The following CCNI variants were observed in gnomAD, a reference collection of about 807,000 sequenced individuals.
CCNI encodes cyclin I.
Under a neutral mutation model 34.1 loss-of-function variants are expected in CCNI, and 14 were observed. The ratio of observed to expected loss-of-function variants is 0.41; its 90% CI spans 0.27 to 0.64. The LOEUF (loss-of-function observed/expected upper bound fraction) is 0.64. CCNI is among the 30% of genes least tolerant of loss of function. The pLI is 0.31. For synonymous variants in CCNI, 154 were observed against 158.4 expected (o/e 0.97, Z 0.21); for missense variants, 385 against 440.5 (o/e 0.87, Z 1.13).
chr4:77,070,450 T>A (rs986599286), intron 1 of CCNI, among the ~76,000 whole-genome samples: 1 of 151,406 alleles, frequency 6.6e-6, no homozygotes, highest in Admixed American at 6.6e-5. Context: ...CCCCAACCCA[T>A]TGTGTGCGAG....
intron 1 of CCNI, among the ~76,000 whole-genome samples, chr4:77,066,784 TCCTTC>T (rs753510822): frequency 1.3e-5 from 2 of 152,202 alleles, no homozygotes; most frequent in Non-Finnish European, 2.9e-5. Context: ...CTAACATTTT[TCCTTC>T]ATTAAAAAGA....
At chr4:77,055,115 T>TA (rs1188694004) in intron 6 of CCNI, 35 bp downstream of exon 6, 1 of 1,432,180 alleles carries the variant, frequency 7.0e-7, no homozygotes, top group Admixed American at 1.7e-5. Flanking sequence ...TAGAAAAACT[T>TA]AAAAAGAACA....
intron 1 of CCNI, among the ~76,000 whole-genome samples, chr4:77,074,139 T>G (rs1215117551): frequency 6.6e-6 from 1 of 152,220 alleles, no homozygotes; most frequent in African/African-American, 2.4e-5. Context: ...CACACTCAGC[T>G]TCCAATCTTG....
intron 3 of CCNI, 66 bp from the exon 4 acceptor site, chr4:77,056,389 C>G (rs1728232284): frequency 8.0e-7 from 1 of 1,249,058 alleles, no homozygotes; most frequent in Admixed American, 1.7e-5. Context: ...CTTTTTGTAA[C>G]TGTTTTAAAA....
rs538284505 is a variant in CCNI at position 77,048,962 on chromosome 4, G to GTTTTTTT, written c.691-307_691-301dup. ...AACTACTTTTTTGTATCCAACGTCT[G>GTTTTTTT]TTTTTTTTTTTTTTTTTTTTTTTTT... On this transcript the variant is annotated intron_variant, in intron 6 of 6. Coordinates refer to ENST00000237654, the MANE Select transcript of CCNI (RefSeq NM_006835.3). 1.3e-4 allele frequency among the ~76,000 whole-genome samples: 6 copies of GTTTTTTT among 47,652 alleles called. 1 individual carries two copies. The highest frequency in any genetic ancestry group is 2.3e-4 in the Non-Finnish European group (5 of 21,430). The allele number at this position is 47,652 out of a possible 152,430, so 31.3% of individuals were successfully genotyped here. A position where few individuals can be genotyped will look rare whatever the true frequency, so the allele number is the denominator to read the frequency against.
In CCNI at chr4:77,056,411, C is replaced by T. The variant is rs1024843228; in HGVS notation, c.244-88G>A. The T allele has an allele frequency of 3.2e-5, 28 of 866,452 alleles. No homozygotes were observed. The East Asian group carries it at 6.9e-4, about 21-fold the overall frequency. The allele number at this position is 866,452 out of a possible 1,614,324, so 53.7% of individuals were successfully genotyped here. On this transcript the variant is annotated intron_variant, in intron 3 of 6. Transcript: ENST00000237654. ...TAACTGTTTTAAAAACCTAGATATG[C>T]AGATGAGACAGGTATACACAAAATA...
Position 77,075,639 on chromosome 4 carries a change from C to G in CCNI, c.-211G>C. On this transcript the variant is annotated 5_prime_UTR_variant, in exon 1 of 7. Transcript: ENST00000237654. ...GAGGAGGGAGAAAGGGGAAGCGGATCGGGGGGCGCGGGCGCGGGCGCTGGC... is the reference window on the plus strand; with the variant it reads ...GAGGAGGGAGAAAGGGGAAGCGGATGGGGGGGCGCGGGCGCGGGCGCTGGC... 1.1e-6 allele frequency: 1 copy of G among 882,568 alleles called. No individual in the cohort carries two copies. The highest frequency in any genetic ancestry group is 1.4e-6 in the Non-Finnish European group (1 of 738,856). The allele number at this position is 882,568 out of a possible 1,614,324, so 54.7% of individuals were successfully genotyped here. A position where few individuals can be genotyped will look rare whatever the true frequency, so the allele number is the denominator to read the frequency against.
At chr4:77,065,540 T>C (rs1728971111) in intron 2 of CCNI, among the ~76,000 whole-genome samples, 2 of 152,252 alleles carry the variant, frequency 1.3e-5, no homozygotes, top group South Asian at 4.1e-4. Context: ...ACCTTAGTAA[T>C]TCACATGAAC....
rs1402017608 is a variant in CCNI at position 77,048,597 on chromosome 4, A to G, written c.756T>C (p.Ser252=). ...CATAAACGGAATTCAGAGGCAGGGA[A>G]GACTGCAGAGTAGAAAGGTGATGTG... ...LVAHHLSTLQ[S]SLPLNSVYVY... is the part of the protein sequence containing the mutation. The change falls in exon 7 of 7, where the codon TCT becomes TCC. Residue 252 remains serine (S), a synonymous_variant. Coordinates refer to ENST00000237654, the MANE Select transcript of CCNI (RefSeq NM_006835.3). 16 of 1,604,820 alleles carry G rather than the reference A, an allele frequency of 1.0e-5. No individual in the cohort carries two copies. Among genetic ancestry groups the G allele is most frequent in the Non-Finnish European group, 1.2e-5 (14 of 1,174,804 alleles).
intron 1 of CCNI, chr4:77,075,178 A>T (rs1729812167): frequency 6.6e-6 from 1 of 152,090 alleles, no homozygotes. Context: ...AGAGTAGCTA[A>T]TTTGCCGCTG....
Position 77,071,357 on chromosome 4 carries a change from G to A in CCNI, c.-44+4115C>T, listed in dbSNP as rs915670750. Among the ~76,000 whole-genome samples, 4 of 152,234 alleles carry A rather than the reference G, an allele frequency of 2.6e-5. No individual in the cohort carries two copies. In the East Asian group the frequency reaches 7.7e-4, roughly 29 times the overall value. ...AAACTTACCAGATACAATTAAAGCA[G>A]TGCTTAGAAATAAATTAATACCTGA... On this transcript the variant is annotated intron_variant, in intron 1 of 6. Transcript: ENST00000237654.
intron 3 of CCNI, chr4:77,056,574 G>T: frequency 5.7e-6 from 2 of 351,638 alleles, no homozygotes; most frequent in Non-Finnish European, 5.2e-6. Flanking sequence ...GATCAAGTGT[G>T]TCTAGAGCTA....
chr4:77,063,252 A>G (rs4252843), intron 2 of CCNI, among the ~76,000 whole-genome samples: 2,127 of 151,932 alleles, frequency 0.014, 47 homozygotes, highest in African/African-American at 0.048. Context: ...GGAAAAAGGC[A>G]TAAGAGAAAG....
chr4:77,069,278 G>A (rs557599078), intron 1 of CCNI, among the ~76,000 whole-genome samples: 57 of 152,218 alleles, frequency 3.7e-4, no homozygotes, highest in Admixed American at 1.0e-3. Context: ...TTAGGCAGGC[G>A]TGGTGGCACG....
At chr4:77,060,088 G>C (rs1728500953) in intron 2 of CCNI, among the ~76,000 whole-genome samples, 1 of 133,656 alleles carries the variant, frequency 7.5e-6, no homozygotes, top group Non-Finnish European at 1.6e-5. Context: ...GATACAATGT[G>C]GGGTATGGGA....
intron 2 of CCNI, among the ~76,000 whole-genome samples, chr4:77,063,623 G>A (rs995300215): frequency 9.9e-5 from 15 of 151,528 alleles, no homozygotes; most frequent in African/African-American, 3.6e-4. Flanking sequence ...CCGGGAGGCG[G>A]AGCTTGCAGT....
At chr4:77,065,146 G>GT (rs1232060514) in intron 2 of CCNI, 2 of 152,184 alleles carry the variant, frequency 1.3e-5, no homozygotes, top group Non-Finnish European at 2.9e-5. Context: ...AATGAAGAAT[G>GT]TATTTCTTTA....
intron 6 of CCNI, among the ~76,000 whole-genome samples, chr4:77,051,114 T>C (rs1447669303): frequency 6.6e-6 from 1 of 150,784 alleles, no homozygotes; most frequent in African/African-American, 2.4e-5. Context: ...CTGTGTAGAT[T>C]CAATGTAGTA....
chr4:77,065,288 T>C (rs538676018), intron 2 of CCNI, among the ~76,000 whole-genome samples: 2 of 152,354 alleles, frequency 1.3e-5, no homozygotes, highest in South Asian at 2.1e-4. Context: ...CATTCACTCA[T>C]GCATATTAAA....
Sources: allele counts gnomAD v4.1 joint callset (sites outside exome capture counted in the v4.1 genomes callset), GRCh38; gene constraint gnomAD v4.1.1; transcripts MANE v1.5; gene names NCBI Gene and HGNC (gene_info 2026-07-23, HGNC 2026-07-21).